The following MARCHF6 variants were observed in gnomAD, a reference collection of about 807,000 sequenced individuals.
MARCHF6 encodes the protein E3 ubiquitin-protein ligase MARCHF6.
MARCHF6 carries 31 observed loss-of-function variants against 133.7 expected under a neutral mutation model. That is an observed-to-expected ratio of 0.23 (90% CI 0.17 to 0.31). The LOEUF is 0.31. Among genes scored for constraint, MARCHF6 ranks in the 10% least tolerant of loss-of-function variants. The probability of loss-of-function intolerance (pLI) is 1.00; values close to 1 mark genes in which losing one functional copy is unlikely to be tolerated. For synonymous variants in MARCHF6, 395 were observed against 402.5 expected (o/e 0.98, Z 0.22); for missense variants, 723 against 1,121.6 (o/e 0.64, Z 5.08).
intron 3 of MARCHF6, among the ~76,000 whole-genome samples, chr5:10,379,372 AT>A (rs1403748661): frequency 6.6e-6 from 1 of 152,098 alleles, no homozygotes; most frequent in East Asian, 1.9e-4. Flanking sequence ...TGATGCCTTG[AT>A]TTCATCAAAT....
intron 21 of MARCHF6, 121 bp from the exon 22 acceptor site, chr5:10,417,149 C>T (rs941132163): frequency 3.2e-5 from 36 of 1,131,258 alleles, no homozygotes; most frequent in Non-Finnish European, 3.9e-5. Flanking sequence ...AACCAGTCCC[C>T]GTGGATACTG....
At chr5:10,377,069 C>T (rs1270967634) in intron 1 of MARCHF6, among the ~76,000 whole-genome samples, 2 of 152,164 alleles carry the variant, frequency 1.3e-5, no homozygotes, top group Non-Finnish European at 2.9e-5. Flanking sequence ...CGCGGTTCCT[C>T]TGCCGTCGTG....
intron 1 of MARCHF6, among the ~76,000 whole-genome samples, chr5:10,368,823 A>G (rs958309273): frequency 3.9e-5 from 6 of 152,084 alleles, no homozygotes; most frequent in Non-Finnish European, 8.8e-5. Flanking sequence ...TCTGCCCACC[A>G]TGGCCTCCCA....
At chr5:10,398,004 C>T (rs948432321) in intron 10 of MARCHF6, among the ~76,000 whole-genome samples, 3 of 152,140 alleles carry the variant, frequency 2.0e-5, no homozygotes, top group Non-Finnish European at 4.4e-5. Context: ...GTTGAGTAAA[C>T]CAAGGCCTTA....
At chr5:10,396,100 A>C (rs974437116) in intron 9 of MARCHF6, among the ~76,000 whole-genome samples, 1 of 152,184 alleles carries the variant, frequency 6.6e-6, no homozygotes, top group African/African-American at 2.4e-5. Context: ...TTTTAGTAAA[A>C]AATATTTAAT....
chr5:10,414,745 T>C (rs1446423324), intron 20 of MARCHF6, among the ~76,000 whole-genome samples: 1 of 152,134 alleles, frequency 6.6e-6, no homozygotes, highest in East Asian at 1.9e-4. Flanking sequence ...TACTGGAAAT[T>C]TGGGTCTTAC....
chr5:10,386,967 G>T, intron 4 of MARCHF6, 27 bp from the exon 5 acceptor site: 1 of 1,589,426 alleles, frequency 6.3e-7, no homozygotes, highest in Non-Finnish European at 8.6e-7. Context: ...AGTTGTGACT[G>T]TGTGCCATCA....
intron 22 of MARCHF6, among the ~76,000 whole-genome samples, chr5:10,419,531 A>G (rs564034555): frequency 6.6e-6 from 1 of 152,134 alleles, no homozygotes; most frequent in African/African-American, 2.4e-5. Flanking sequence ...GGAGGATCTA[A>G]TTAAGCATAT....
chr5:10,370,063 T>TTA (rs1736375913), intron 1 of MARCHF6, among the ~76,000 whole-genome samples: 1 of 151,206 alleles, frequency 6.6e-6, no homozygotes, highest in African/African-American at 2.4e-5. Context: ...TTTTTGCCCT[T>TTA]TCAATAGGTA....
At chr5:10,368,789 T>C (rs1025220710) in intron 1 of MARCHF6, among the ~76,000 whole-genome samples, 1 of 151,760 alleles carries the variant, frequency 6.6e-6, no homozygotes, top group African/African-American at 2.4e-5. Flanking sequence ...GCCAGGCTGG[T>C]CTCAAACTCC....
At chr5:10,378,223 G>A (rs1290635473) in intron 2 of MARCHF6, among the ~76,000 whole-genome samples, 1 of 152,148 alleles carries the variant, frequency 6.6e-6, no homozygotes, top group Non-Finnish European at 1.5e-5. Context: ...TGGCATAATA[G>A]TAGCTTACAT....
rs770776713 is a variant in MARCHF6, at chr5:10,390,291, GTCT to G, written c.408-36_408-34del. Reference sequence around the variant, plus strand: ...TTTACCTTTGTTTTCCTAATTTTAAGTCTTCTTTGGAGTAATTATATGTACTTT... The same window carrying G: ...TTTACCTTTGTTTTCCTAATTTTAAGTCTTTGGAGTAATTATATGTACTTT... On this transcript the variant is annotated intron_variant, in intron 5 of 25. Coordinates refer to ENST00000274140, the MANE Select transcript of MARCHF6 (RefSeq NM_005885.4). 116 of 1,506,750 alleles carry G rather than the reference GTCT, an allele frequency of 7.7e-5. No individual in the cohort carries two copies. In the East Asian group the frequency reaches 2.8e-3, roughly 36 times the overall value. The allele number at this position is 1,506,750 out of a possible 1,614,324, so 93.3% of individuals were successfully genotyped here.
intron 5 of MARCHF6, among the ~76,000 whole-genome samples, chr5:10,389,921 T>C (rs1367924347): frequency 6.6e-6 from 1 of 152,142 alleles, no homozygotes; most frequent in East Asian, 1.9e-4. Context: ...ACTCTTAGAG[T>C]TGGACAGAGT....
Position 10,394,811 on chromosome 5 carries a change from T to C in MARCHF6, c.861+26T>C, listed in dbSNP as rs766071996. On this transcript the variant is annotated intron_variant, in intron 9 of 25. Transcript: ENST00000274140. ...GTAAGTAAAACTAATTTTTTTTTTT[T>C]TTTTTTGAGACGGAATCTCACTCTG... 3.3e-6 allele frequency: 5 copies of C among 1,505,460 alleles called. No homozygotes were observed. The South Asian group carries it at 5.9e-5, about 18-fold the overall frequency. 93.3% of individuals were successfully genotyped at this position (1,505,460 alleles called of 1,614,324 possible).
At chr5:10,409,607 AG>A (rs1739105286) in intron 17 of MARCHF6, among the ~76,000 whole-genome samples, 1 of 152,222 alleles carries the variant, frequency 6.6e-6, no homozygotes. Context: ...GCTCTTGGAA[AG>A]CTTTGAGCAA....
intron 4 of MARCHF6, among the ~76,000 whole-genome samples, 193 bp downstream of exon 4, chr5:10,382,136 G>A (rs2640712): frequency 0.22 from 33,489 of 152,084 alleles, 5,415 homozygotes; most frequent in East Asian, 0.67. Flanking sequence ...AGTTTTTTGA[G>A]TGAATGTGGG....
chr5:10,382,477 A>T (rs148160456), intron 4 of MARCHF6, among the ~76,000 whole-genome samples: 2,958 of 151,806 alleles, frequency 0.019, 47 homozygotes, highest in Non-Finnish European at 0.029. Context: ...GCAAAAAAAA[A>T]AAAAAAAGGA....
intron 3 of MARCHF6, 79 bp from the exon 4 acceptor site, chr5:10,381,721 T>C: frequency 8.9e-7 from 1 of 1,117,496 alleles, no homozygotes. Flanking sequence ...GGAAGTTTAG[T>C]TAATGTCTAT....
intron 17 of MARCHF6, 68 bp from the exon 18 acceptor site, chr5:10,410,070 CG>C: frequency 6.8e-7 from 1 of 1,465,452 alleles, no homozygotes; most frequent in Non-Finnish European, 9.4e-7. Flanking sequence ...TAAGAAGTTG[CG>C]TTGTAATCCC....
Sources: gnomAD v4.1 joint callset for allele counts (sites outside exome capture counted in the v4.1 genomes callset) on GRCh38, gnomAD v4.1.1 for gene constraint, MANE v1.5 for transcripts, NCBI Gene and HGNC (gene_info 2026-07-23, HGNC 2026-07-21) for gene names.